Variants in RAB3C observed in about 807,000 individuals in gnomAD.
RAB3C encodes the protein RAB3C, member RAS oncogene family.
RAB3C carries 17 observed loss-of-function variants against 26.4 expected under a neutral mutation model. That is an observed-to-expected ratio of 0.64 (90% confidence interval 0.44 to 0.97). The LOEUF is 0.97. Ranked by LOEUF, RAB3C falls within the 50% of genes least tolerant of loss-of-function variation. The pLI is 0.00. For missense variants in RAB3C, 242 were observed against 281.9 expected (o/e 0.86, Z 1.01); for synonymous variants, 91 against 95.9 (o/e 0.95, Z 0.30).
intron 3 of RAB3C, among the ~76,000 whole-genome samples, chr5:58,756,387 C>CAT (rs71604764): frequency 0.041 from 5,444 of 131,928 alleles, 201 homozygotes; most frequent in Admixed American, 0.11. Context: ...TACTATATAA[C>CAT]ATATATATAT....
intron 4 of RAB3C, among the ~76,000 whole-genome samples, chr5:58,844,566 T>C (rs2112083531): frequency 6.6e-6 from 1 of 152,286 alleles, no homozygotes; most frequent in African/African-American, 2.4e-5. Context: ...CAATCCCTAC[T>C]TCTGGCTCAA....
At chr5:58,759,721 TA>T (rs1285398980) in intron 3 of RAB3C, among the ~76,000 whole-genome samples, 1 of 152,182 alleles carries the variant, frequency 6.6e-6, no homozygotes, top group Non-Finnish European at 1.5e-5. Context: ...TAAAGCACAT[TA>T]TTTATACCTG....
intron 3 of RAB3C, among the ~76,000 whole-genome samples, chr5:58,734,726 TCTTAA>T (rs1366222481): frequency 6.6e-6 from 1 of 152,216 alleles, no homozygotes; most frequent in African/African-American, 2.4e-5. Flanking sequence ...TCGGAGTTAA[TCTTAA>T]CTTCTCATTT....
chr5:58,688,935 TGGATATACATCCTCCATAATAG>T (rs1328718960), intron 2 of RAB3C, among the ~76,000 whole-genome samples: 1 of 152,152 alleles, frequency 6.6e-6, no homozygotes, highest in African/African-American at 2.4e-5. Context: ...GGTAGTGAGT[TGGATATACATCCTCCATAATAG>T]GGACTAGAAA....
intron 4 of RAB3C, among the ~76,000 whole-genome samples, chr5:58,832,638 AAAGATT>A (rs1186339880): frequency 6.6e-6 from 1 of 152,200 alleles, no homozygotes; most frequent in African/African-American, 2.4e-5. Flanking sequence ...GAGGAGCTTA[AAAGATT>A]AAGAATGTCC....
chr5:58,600,626 T>C (rs1202582984), intron 1 of RAB3C, among the ~76,000 whole-genome samples: 1 of 152,126 alleles, frequency 6.6e-6, no homozygotes, highest in East Asian at 1.9e-4. Flanking sequence ...GGAATTGAGT[T>C]TTTGATTTGA....
intron 3 of RAB3C, among the ~76,000 whole-genome samples, chr5:58,803,461 C>CTT (rs1300191122): frequency 3.9e-5 from 6 of 152,198 alleles, no homozygotes; most frequent in African/African-American, 1.4e-4. Context: ...TACAACTATA[C>CTT]TTATACTGCT....
At chr5:58,634,559 C>G (rs911756317) in intron 2 of RAB3C, among the ~76,000 whole-genome samples, 1 of 152,148 alleles carries the variant, frequency 6.6e-6, no homozygotes, top group African/African-American at 2.4e-5. Flanking sequence ...TGGTAAGACT[C>G]AAGAAATATT....
At chr5:58,638,688 G>T (rs1747341702) in intron 2 of RAB3C, among the ~76,000 whole-genome samples, 1 of 152,264 alleles carries the variant, frequency 6.6e-6, no homozygotes, top group Non-Finnish European at 1.5e-5. Context: ...ATTGAAAATA[G>T]CAGGAAACAG....
At chr5:58,824,128 T>G (rs1579939010) in intron 3 of RAB3C, among the ~76,000 whole-genome samples, 1 of 152,076 alleles carries the variant, frequency 6.6e-6, no homozygotes, top group Non-Finnish European at 1.5e-5. Flanking sequence ...TCTATCATTG[T>G]TGGACATTTG....
intron 2 of RAB3C, among the ~76,000 whole-genome samples, chr5:58,701,675 C>T (rs986051112): frequency 7.9e-5 from 12 of 152,168 alleles, no homozygotes; most frequent in Admixed American, 2.6e-4. Flanking sequence ...TTGCCTTCTC[C>T]GGCATTCAGA....
chr5:58,764,056 A>G (rs1463525939), intron 3 of RAB3C, among the ~76,000 whole-genome samples: 1 of 152,214 alleles, frequency 6.6e-6, no homozygotes, highest in Non-Finnish European at 1.5e-5. Flanking sequence ...AAAAACATTC[A>G]GGTAGCATAA....
At chr5:58,670,688 C>T (rs753219) in intron 2 of RAB3C, among the ~76,000 whole-genome samples, 25,865 of 152,052 alleles carry the variant, frequency 0.17, 2,270 homozygotes, top group African/African-American at 0.2. Flanking sequence ...TTAGACTGTC[C>T]GCCCGAAGTG....
At chr5:58,794,210 A>C (rs1002561941) in intron 3 of RAB3C, 3 of 152,140 alleles carry the variant, frequency 2.0e-5, no homozygotes, top group Non-Finnish European at 1.5e-5. Context: ...AGAAGTGTAT[A>C]AAACTGTTTT....
In RAB3C at chr5:58,659,985, G is replaced by A. The variant is rs984025967; in HGVS notation, c.252+42115G>A. Among the ~76,000 whole-genome samples, 8 of 152,120 alleles carry A rather than the reference G, an allele frequency of 5.3e-5. No individual in the cohort carries two copies. In the South Asian group the frequency reaches 1.7e-3, roughly 32 times the overall value. On this transcript the variant is annotated intron_variant, in intron 2 of 4. Coordinates refer to ENST00000282878, the MANE Select transcript of RAB3C (RefSeq NM_138453.4). ...TGCCTGGCTAATTTTTGTGTTTTTT[G>A]TAGAGACAGCGATTTGGTCATGTTG... is the stretch of plus-strand genomic sequence containing the variant.
Position 58,678,578 on chromosome 5 carries a change from T to C in RAB3C, c.253-47424T>C, listed in dbSNP as rs565790981. On this transcript the variant is annotated intron_variant, in intron 2 of 4. Transcript: ENST00000282878. ...GTTTATATTTTAACATAGTCTTCCC[T>C]GCATGTTTCAGAGAAAAGTATTAAT... 3.9e-5 allele frequency among the ~76,000 whole-genome samples: 6 copies of C among 152,342 alleles called. No homozygotes were observed. In the South Asian group the frequency reaches 1.0e-3, roughly 26 times the overall value.
Position 58,786,772 on chromosome 5 carries a change from C to A in RAB3C, c.372-38266C>A, listed in dbSNP as rs189171487. Among the ~76,000 whole-genome samples, 214 of 146,264 alleles carry A rather than the reference C, an allele frequency of 1.5e-3. 2 individuals are homozygous for A. Among genetic ancestry groups the A allele is most frequent in the African/African-American group, 5.2e-3 (208 of 40,138 alleles). On this transcript the variant is annotated intron_variant, in intron 3 of 4. Coordinates refer to ENST00000282878, the MANE Select transcript of RAB3C (RefSeq NM_138453.4). ...AAGTAAAGAACATGATTCAGTTTGT[C>A]AAAAAAAAAAATCTACTTATGTGTG...
Position 58,627,471 on chromosome 5 carries a change from TAAAAAAAAAAAAAAAAAAAAAAAAA to T in RAB3C, c.252+9625_252+9649del, listed in dbSNP as rs58104232. Among the ~76,000 whole-genome samples the T allele has an allele frequency of 5.8e-5, 4 of 68,444 alleles. 1 individual carries two copies. Among genetic ancestry groups the T allele is most frequent in the Non-Finnish European group, 1.3e-4 (4 of 31,138 alleles). The allele number at this position is 68,444 out of a possible 152,430, so 44.9% of individuals were successfully genotyped here. A position where few individuals can be genotyped will look rare whatever the true frequency, so the allele number is the denominator to read the frequency against. Reference sequence around the variant, plus strand: ...TGGGCGACAGAGCGAGACTCCGTCTTAAAAAAAAAAAAAAAAAAAAAAAAAAAAAAAAAAAAAAAAAAAAAAAACA... The same window carrying T: ...TGGGCGACAGAGCGAGACTCCGTCTTAAAAAAAAAAAAAAAAAAAAAAACA... On this transcript the variant is annotated intron_variant, in intron 2 of 4. Transcript: ENST00000282878.
intron 3 of RAB3C, among the ~76,000 whole-genome samples, chr5:58,785,626 T>C (rs940204658): frequency 2.0e-5 from 3 of 152,182 alleles, no homozygotes; most frequent in Non-Finnish European, 4.4e-5. Context: ...TGGTCCAGTG[T>C]GTAATTGAGT....
Sources: allele counts gnomAD v4.1 joint callset (sites outside exome capture counted in the v4.1 genomes callset), GRCh38; gene constraint gnomAD v4.1.1; transcripts MANE v1.5; gene names NCBI Gene and HGNC (gene_info 2026-07-23, HGNC 2026-07-21).